VAV2: variants seen among roughly 807,000 people sequenced by gnomAD.
VAV2 encodes the protein guanine nucleotide exchange factor VAV2.
VAV2 carries 67 observed loss-of-function variants against 132.5 expected under a neutral mutation model. The ratio of observed to expected loss-of-function variants is 0.51; its 90% CI spans 0.42 to 0.62. The LOEUF (loss-of-function observed/expected upper bound fraction) is 0.62, where lower values mean the gene tolerates loss of function less well. VAV2 is among the 20% of genes least tolerant of loss of function. The probability of loss-of-function intolerance (pLI) is 0.00; values close to 1 mark genes in which losing one functional copy is unlikely to be tolerated. For missense variants in VAV2, 938 were observed against 1,153.6 expected (o/e 0.81, Z 2.71); for synonymous variants, 492 against 443.5 (o/e 1.11, Z -1.37).
At position 133,794,019 on chromosome 9, in the gene VAV2, T is replaced by C. The variant is rs1043716759; in HGVS notation, c.1101+1649A>G. On this transcript the variant is annotated intron_variant, in intron 12 of 29. Transcript: ENST00000371850. This position sits in a 1 kb window ranked among gnomAD's most constrained non-coding sequence, Gnocchi z 4.6. ...CACCCGCAAGTCACCGAGTACTTTG[T>C]GCAGCACCGTGAGCTACACTCCTGG... Among the ~76,000 whole-genome samples the C allele has an allele frequency of 4.0e-5, 6 of 151,062 alleles. No homozygotes were observed. The highest frequency in any genetic ancestry group is 1.5e-4 in the African/African-American group (6 of 41,044).
chr9:133,813,377 C>T (rs1236578211), intron 4 of VAV2, among the ~76,000 whole-genome samples: 2 of 152,228 alleles, frequency 1.3e-5, no homozygotes, highest in African/African-American at 2.4e-5. Flanking sequence ...GAACGGGTTC[C>T]CCAGCCACGC....
chr9:133,905,026 CG>C lies in VAV2; in HGVS notation c.321+34076del, dbSNP rs1373937153. On this transcript the variant is annotated intron_variant, in intron 2 of 29. Coordinates refer to ENST00000371850, the MANE Select transcript of VAV2 (RefSeq NM_001134398.2). Reference sequence around the variant, plus strand: ...GCATCTTGTGGCTTGGGCAGTGCCACGGGCAGCACCACACGTGGAGGCTTCT... The same window carrying C: ...GCATCTTGTGGCTTGGGCAGTGCCACGGCAGCACCACACGTGGAGGCTTCT... Among the ~76,000 whole-genome samples the C allele has an allele frequency of 5.9e-5, 9 of 152,302 alleles. No homozygotes were observed. In the East Asian group the frequency reaches 1.7e-3, roughly 29 times the overall value.
intron 13 of VAV2, among the ~76,000 whole-genome samples, chr9:133,790,505 C>G (rs560995198): frequency 6.6e-6 from 1 of 152,188 alleles, no homozygotes; most frequent in African/African-American, 2.4e-5. Flanking sequence ...ACAAGTATTA[C>G]TTCTATGTAA....
intron 3 of VAV2, among the ~76,000 whole-genome samples, chr9:133,835,733 G>A (rs375605925): frequency 6.6e-6 from 1 of 152,160 alleles, no homozygotes; most frequent in Non-Finnish European, 1.5e-5. Context: ...CGGCAGCCCC[G>A]CCCCAACCGG....
At chr9:133,949,868 C>G (rs1020148811) in intron 1 of VAV2, among the ~76,000 whole-genome samples, 5 of 152,246 alleles carry the variant, frequency 3.3e-5, no homozygotes, top group South Asian at 2.1e-4. Context: ...CTGCCCCCGA[C>G]CCGGGCGTCT....
chr9:133,819,239 T>C (rs1835688944), intron 4 of VAV2, among the ~76,000 whole-genome samples: 2 of 151,554 alleles, frequency 1.3e-5, no homozygotes, highest in South Asian at 2.1e-4. Context: ...GGTCAGGAGA[T>C]CGAGACCATC....
intron 1 of VAV2, among the ~76,000 whole-genome samples, chr9:133,974,914 A>G (rs1304727998): frequency 1.3e-5 from 2 of 151,896 alleles, no homozygotes; most frequent in East Asian, 1.9e-4. Flanking sequence ...GTTTCCCTCA[A>G]GGTCTGTACC....
At chr9:133,844,921 C>A (rs905383108) in intron 3 of VAV2, among the ~76,000 whole-genome samples, 3 of 152,392 alleles carry the variant, frequency 2.0e-5, no homozygotes, top group Middle Eastern at 3.4e-3. Flanking sequence ...TCCCGGGTTC[C>A]TCAGCAGCCC....
intron 1 of VAV2, among the ~76,000 whole-genome samples, chr9:133,986,126 A>G (rs1374946892): frequency 1.3e-5 from 2 of 152,224 alleles, no homozygotes; most frequent in African/African-American, 4.8e-5. Flanking sequence ...AACGGAAACC[A>G]AGTAACTTTA....
chr9:133,812,562 C>T (rs1835401080), intron 4 of VAV2, among the ~76,000 whole-genome samples: 1 of 152,134 alleles, frequency 6.6e-6, no homozygotes, highest in Non-Finnish European at 1.5e-5. Context: ...CCAGAATCTT[C>T]CCACCCCTAC....
At position 133,863,912 on chromosome 9, in the gene VAV2, G is replaced by A. The variant is rs922330090; in HGVS notation, c.322-2480C>T. ...GAAACCCACTGGCCTGAAAGGTTAG[G>A]AGCAGAAGTACCTCCCTGCAGGAGG... On this transcript the variant is annotated intron_variant, in intron 2 of 29. Transcript: ENST00000371850. The surrounding 1 kb of genome is among the most constrained non-coding windows in gnomAD (Gnocchi z 5.0). 3.9e-5 allele frequency among the ~76,000 whole-genome samples: 6 copies of A among 152,168 alleles called. No individual in the cohort carries two copies. Among genetic ancestry groups the A allele is most frequent in the African/African-American group, 9.7e-5 (4 of 41,442 alleles).
intron 2 of VAV2, among the ~76,000 whole-genome samples, chr9:133,870,103 C>T (rs998390207): frequency 2.6e-5 from 4 of 152,066 alleles, no homozygotes; most frequent in Non-Finnish European, 5.9e-5. Flanking sequence ...AATTACAAAA[C>T]ATGTGCAATC....
rs867817569 is a variant in VAV2 at position 133,919,774 on chromosome 9, G to A, written c.321+19329C>T. ...CACAAACAGCGCATTCTTGGCATCCGTGAGGCAGAGACATGGAAGATGGAA... is the reference window on the plus strand; with the variant it reads ...CACAAACAGCGCATTCTTGGCATCCATGAGGCAGAGACATGGAAGATGGAA... On this transcript the variant is annotated intron_variant, in intron 2 of 29. Coordinates refer to ENST00000371850, the MANE Select transcript of VAV2 (RefSeq NM_001134398.2). This position sits in a 1 kb window ranked among gnomAD's most constrained non-coding sequence, Gnocchi z 5.8. Among the ~76,000 whole-genome samples, 6 of 152,158 alleles carry A rather than the reference G, an allele frequency of 3.9e-5. No individual in the cohort carries two copies. Among genetic ancestry groups the A allele is most frequent in the South Asian group, 4.1e-4 (2 of 4,828 alleles).
intron 1 of VAV2, among the ~76,000 whole-genome samples, chr9:133,945,199 T>C (rs1841315497): frequency 6.6e-6 from 1 of 152,234 alleles, no homozygotes; most frequent in Non-Finnish European, 1.5e-5. Context: ...TAAGCTATCC[T>C]GTCTATGGGT....
At chr9:133,937,537 AGAGT>A (rs986625141) in intron 2 of VAV2, among the ~76,000 whole-genome samples, 8 of 99,958 alleles carry the variant, frequency 8.0e-5, no homozygotes, top group South Asian at 6.9e-4. Context: ...AGTGTGTGTG[AGAGT>A]GTGTGTGTGT....
At chr9:133,940,984 C>A (rs973709077) in intron 1 of VAV2, among the ~76,000 whole-genome samples, 5 of 148,646 alleles carry the variant, frequency 3.4e-5, no homozygotes, top group African/African-American at 1.2e-4. Context: ...GTTTCTGCTG[C>A]CATGCCTCTT....
chr9:133,788,226 A>AC lies in VAV2; in HGVS notation c.1407+127dup. ...GCCTTCCTGCAGAGCGGAGACGCCCACCCCAACCCACCCGGCCAGCATCAG... is the reference window on the plus strand; with the variant it reads ...GCCTTCCTGCAGAGCGGAGACGCCCACCCCCAACCCACCCGGCCAGCATCAG... On this transcript the variant is annotated intron_variant, in intron 15 of 29. Coordinates refer to ENST00000371850, the MANE Select transcript of VAV2 (RefSeq NM_001134398.2). This position sits in a 1 kb window ranked among gnomAD's most constrained non-coding sequence, Gnocchi z 5.3. 4.8e-5 allele frequency: 18 copies of AC among 373,882 alleles called. No individual in the cohort carries two copies. The highest frequency in any genetic ancestry group is 8.7e-5 in the Non-Finnish European group (16 of 183,794). The allele number at this position is 373,882 out of a possible 1,614,324, so 23.2% of individuals were successfully genotyped here. A position where few individuals can be genotyped will look rare whatever the true frequency, so the allele number is the denominator to read the frequency against.
intron 3 of VAV2, among the ~76,000 whole-genome samples, chr9:133,845,492 T>G (rs1185329659): frequency 6.6e-6 from 1 of 152,180 alleles, no homozygotes; most frequent in Non-Finnish European, 1.5e-5. Context: ...CTCTCCTCTC[T>G]AGGCTGCCAA....
chr9:133,773,743 A>AT (rs879485577), intron 25 of VAV2, among the ~76,000 whole-genome samples: 8 of 152,178 alleles, frequency 5.3e-5, no homozygotes, highest in Non-Finnish European at 1.0e-4. Flanking sequence ...ACAATTAAGT[A>AT]TTTTTTTGCT....
Sources: allele counts gnomAD v4.1 joint callset (sites outside exome capture counted in the v4.1 genomes callset), GRCh38; gene constraint gnomAD v4.1.1; non-coding constraint Gnocchi (gnomAD v3.1); transcripts MANE v1.5; gene names NCBI Gene and HGNC (gene_info 2026-07-23, HGNC 2026-07-21).